Variants in ESRRB observed in about 807,000 individuals in gnomAD.
The protein encoded by ESRRB is steroid hormone receptor ERR2.
ESRRB carries 16 observed loss-of-function variants against 46.0 expected under a neutral mutation model. That is an observed-to-expected ratio of 0.35 (90% CI 0.24 to 0.53). ESRRB has a LOEUF of 0.53. Among genes scored for constraint, ESRRB ranks in the 20% least tolerant of loss-of-function variants. The probability of loss-of-function intolerance (pLI) is 0.93; values close to 1 mark genes in which losing one functional copy is unlikely to be tolerated. For missense variants in ESRRB, 488 were observed against 607.4 expected (o/e 0.80, Z 2.07); for synonymous variants, 246 against 259.6 (o/e 0.95, Z 0.50).
At chr14:76,457,641 T>C (rs1047091316) in intron 2 of ESRRB, among the ~76,000 whole-genome samples, 2 of 152,174 alleles carry the variant, frequency 1.3e-5, no homozygotes, top group Admixed American at 1.3e-4. Context: ...ACTAAGACCT[T>C]TGTATGCTTT....
intron 1 of ESRRB, among the ~76,000 whole-genome samples, chr14:76,411,480 G>C (rs1341574126): frequency 1.3e-5 from 2 of 152,114 alleles, no homozygotes; most frequent in African/African-American, 4.8e-5. Flanking sequence ...ACTTGCAAGG[G>C]CATCTTTACT....
At chr14:76,348,873 C>G (rs1008198084) in intron 1 of ESRRB, among the ~76,000 whole-genome samples, 2 of 152,098 alleles carry the variant, frequency 1.3e-5, no homozygotes, top group African/African-American at 4.8e-5. Context: ...CATCCTCTTT[C>G]TCCCCCCAAG....
At chr14:76,405,631 C>T (rs116900054) in intron 1 of ESRRB, among the ~76,000 whole-genome samples, 22 of 151,966 alleles carry the variant, frequency 1.4e-4, no homozygotes, top group Non-Finnish European at 2.4e-4. Flanking sequence ...GGACAAAGCT[C>T]GGGATTTGCA....
Position 76,482,492 on chromosome 14 carries a change from C to T in ESRRB, c.689-106C>T. On this transcript the variant is annotated intron_variant, in intron 4 of 6. Coordinates refer to ENST00000644823, the MANE Select transcript of ESRRB (RefSeq NM_001379180.1). The surrounding 1 kb of genome is among the most constrained non-coding windows in gnomAD (Gnocchi z 4.3). Reference sequence around the variant, plus strand: ...GGAGATTATAGCCGCTTTGACCTTCCTGGAGCTCTTAGGAACCCAACTTTG... The same window carrying T: ...GGAGATTATAGCCGCTTTGACCTTCTTGGAGCTCTTAGGAACCCAACTTTG... 1 of 1,172,088 alleles carries T rather than the reference C, an allele frequency of 8.5e-7. No homozygotes were observed. The highest frequency in any genetic ancestry group is 1.3e-6 in the Non-Finnish European group (1 of 792,564). 72.6% of individuals were successfully genotyped at this position (1,172,088 alleles called of 1,614,324 possible).
At chr14:76,350,732 G>C (rs1292472355) in intron 1 of ESRRB, among the ~76,000 whole-genome samples, 1 of 152,190 alleles carries the variant, frequency 6.6e-6, no homozygotes, top group Non-Finnish European at 1.5e-5. Context: ...GAGAGACCGG[G>C]TCAGGCATGA....
intron 1 of ESRRB, among the ~76,000 whole-genome samples, chr14:76,431,822 G>C (rs1315302528): frequency 6.6e-6 from 1 of 152,102 alleles, no homozygotes; most frequent in Non-Finnish European, 1.5e-5. Context: ...AACCACAGAT[G>C]ATGGACTTGA....
At position 76,500,591 on chromosome 14, in the gene ESRRB, G is replaced by C; in HGVS notation, c.*2133G>C. 8.7e-7 allele frequency: 1 copy of C among 1,150,460 alleles called. No homozygotes were observed. The highest frequency in any genetic ancestry group is 2.3e-5 in the East Asian group (1 of 42,788). 71.3% of individuals were successfully genotyped at this position (1,150,460 alleles called of 1,614,324 possible). Reference sequence around the variant, plus strand: ...TCTCTCACTGTGCTGTGTCCTTGCAGCGGGGCCGAGGTAGCACCCTGCTCT... The same window carrying C: ...TCTCTCACTGTGCTGTGTCCTTGCACCGGGGCCGAGGTAGCACCCTGCTCT... On this transcript the variant is annotated 3_prime_UTR_variant, in exon 7 of 7. Coordinates refer to ENST00000644823, the MANE Select transcript of ESRRB (RefSeq NM_001379180.1).
chr14:76,478,208 G>C (rs78609607), intron 3 of ESRRB, among the ~76,000 whole-genome samples: 1 of 152,168 alleles, frequency 6.6e-6, no homozygotes, highest in Non-Finnish European at 1.5e-5. Context: ...GCCTTAACGG[G>C]TGCCTAGTCA....
intron 1 of ESRRB, among the ~76,000 whole-genome samples, chr14:76,402,709 CT>C (rs1338712993): frequency 3.3e-5 from 5 of 152,164 alleles, no homozygotes; most frequent in Non-Finnish European, 7.4e-5. Context: ...CTTTTCTTTT[CT>C]TTTTTTGAAA....
chr14:76,446,645 G>A (rs1888161416), intron 2 of ESRRB, among the ~76,000 whole-genome samples: 1 of 152,186 alleles, frequency 6.6e-6, no homozygotes, highest in Admixed American at 6.5e-5. Flanking sequence ...TTAGCCTAGG[G>A]ACAGCCTGAT....
upstream of ESRRB, among the ~76,000 whole-genome samples, chr14:76,373,883 C>A (rs1231040353): frequency 6.6e-6 from 1 of 152,234 alleles, no homozygotes; most frequent in Non-Finnish European, 1.5e-5. Flanking sequence ...CCAATGCAGA[C>A]CCCACTTTCT....
At chr14:76,410,369 G>A (rs1489511836) in intron 1 of ESRRB, among the ~76,000 whole-genome samples, 2 of 152,196 alleles carry the variant, frequency 1.3e-5, no homozygotes, top group African/African-American at 4.8e-5. Flanking sequence ...CTATGAGAGT[G>A]CAGGCAGTGA....
intron 1 of ESRRB, among the ~76,000 whole-genome samples, chr14:76,379,320 G>A (rs1004183569): frequency 4.6e-5 from 7 of 152,274 alleles, no homozygotes; most frequent in South Asian, 2.1e-4. Flanking sequence ...GGAGACCCAC[G>A]GCAAACAGTC....
At chr14:76,425,725 T>C (rs1887169312) in intron 1 of ESRRB, among the ~76,000 whole-genome samples, 1 of 152,138 alleles carries the variant, frequency 6.6e-6, no homozygotes, top group South Asian at 2.1e-4. Flanking sequence ...TGTTTGTTTT[T>C]TGAGACAGGG....
chr14:76,444,834 G>A (rs1888064054), intron 2 of ESRRB, among the ~76,000 whole-genome samples: 1 of 152,038 alleles, frequency 6.6e-6, no homozygotes, highest in Non-Finnish European at 1.5e-5. Context: ...GTCATGGAAT[G>A]AGCCATTCAC....
chr14:76,438,032 A>T (rs1274613431), intron 1 of ESRRB, among the ~76,000 whole-genome samples: 1 of 152,036 alleles, frequency 6.6e-6, no homozygotes, highest in African/African-American at 2.4e-5. Context: ...TTGGGGTTAG[A>T]ATGCTCCCTC....
intron 2 of ESRRB, among the ~76,000 whole-genome samples, chr14:76,453,186 C>T (rs1018985885): frequency 1.3e-5 from 2 of 152,210 alleles, no homozygotes; most frequent in Non-Finnish European, 2.9e-5. Context: ...AGGGACCCTG[C>T]GGAACAGAAG....
chr14:76,429,558 C>T, intron 1 of ESRRB, among the ~76,000 whole-genome samples: 1 of 152,176 alleles, frequency 6.6e-6, no homozygotes, highest in South Asian at 2.1e-4. Context: ...CCAGACCAGC[C>T]TGACCAACAT....
chr14:76,431,719 T>G (rs1013425690), intron 1 of ESRRB, among the ~76,000 whole-genome samples: 2 of 152,206 alleles, frequency 1.3e-5, no homozygotes, highest in Non-Finnish European at 2.9e-5. Flanking sequence ...GACCACTGAC[T>G]ACTGCCCTTT....
Sources: allele counts gnomAD v4.1 joint callset (sites outside exome capture counted in the v4.1 genomes callset), GRCh38; gene constraint gnomAD v4.1.1; non-coding constraint Gnocchi (gnomAD v3.1); transcripts MANE v1.5; gene names NCBI Gene and HGNC (gene_info 2026-07-23, HGNC 2026-07-21).